DPP10: variants seen among roughly 807,000 people sequenced by gnomAD.
DPP10 encodes inactive dipeptidyl peptidase 10.
A neutral mutation model predicts 120.9 loss-of-function variants in DPP10; 33 were observed. That is an observed-to-expected ratio of 0.27 (90% CI 0.21 to 0.37). The LOEUF is 0.37. DPP10 is among the 10% of genes least tolerant of loss of function. The probability of loss-of-function intolerance (pLI) is 1.00; values close to 1 mark genes in which losing one functional copy is unlikely to be tolerated. For missense variants in DPP10, 816 were observed against 942.8 expected (o/e 0.87, Z 1.76); for synonymous variants, 337 against 326.1 (o/e 1.03, Z -0.36).
intron 1 of DPP10, among the ~76,000 whole-genome samples, chr2:114,708,745 GTTTTTGT>G (rs932671735): frequency 6.6e-5 from 10 of 151,998 alleles, no homozygotes; most frequent in Admixed American, 4.6e-4. Context: ...ACTTTTGTTT[GTTTTTGT>G]TTTTTGTTTT....
At chr2:115,665,733 C>T (rs2089400979) in intron 5 of DPP10, among the ~76,000 whole-genome samples, 1 of 151,906 alleles carries the variant, frequency 6.6e-6, no homozygotes, top group African/African-American at 2.4e-5. Context: ...TTTCCTAATA[C>T]TTCTTCTCTT....
intron 4 of DPP10, among the ~76,000 whole-genome samples, chr2:115,501,853 C>A (rs996151726): frequency 6.6e-6 from 1 of 152,012 alleles, no homozygotes; most frequent in African/African-American, 2.4e-5. Flanking sequence ...GATTTAATTT[C>A]TCTTCCAGGA....
chr2:114,675,711 G>GA (rs1398983065), intron 1 of DPP10, among the ~76,000 whole-genome samples: 1 of 152,068 alleles, frequency 6.6e-6, no homozygotes, highest in Non-Finnish European at 1.5e-5. Context: ...CAGAACTTCT[G>GA]AAAGAGAGTC....
chr2:115,237,627 T>G (rs1342900616), intron 1 of DPP10, among the ~76,000 whole-genome samples: 1 of 152,314 alleles, frequency 6.6e-6, no homozygotes, highest in East Asian at 1.9e-4. Flanking sequence ...TTATCCAAGT[T>G]GTGAATGCAA....
chr2:115,170,342 A>C (rs1012005286), intron 1 of DPP10, among the ~76,000 whole-genome samples: 3 of 152,212 alleles, frequency 2.0e-5, no homozygotes, highest in Admixed American at 2.0e-4. Flanking sequence ...ATTTGCATTG[A>C]TAATTCTTCT....
intron 1 of DPP10, among the ~76,000 whole-genome samples, chr2:114,585,338 T>G (rs112209872): frequency 1.3e-3 from 198 of 152,314 alleles, no homozygotes; most frequent in Non-Finnish European, 2.4e-3. Flanking sequence ...TCCCTCTCGT[T>G]GACTCTCTCA....
intron 1 of DPP10, among the ~76,000 whole-genome samples, chr2:114,664,300 C>A (rs368778296): frequency 1.3e-5 from 2 of 151,508 alleles, no homozygotes; most frequent in Non-Finnish European, 2.9e-5. Context: ...GAGTCATAAC[C>A]CTTGGAGAGA....
chr2:114,788,471 A>G (rs1038738243), intron 1 of DPP10, among the ~76,000 whole-genome samples: 1 of 149,740 alleles, frequency 6.7e-6, no homozygotes, highest in African/African-American at 2.5e-5. Context: ...GCTGGAGTGC[A>G]GTGGCACAAT....
intron 1 of DPP10, among the ~76,000 whole-genome samples, chr2:114,449,494 A>T (rs1307730464): frequency 6.0e-5 from 9 of 148,802 alleles, no homozygotes; most frequent in African/African-American, 2.2e-4. Context: ...TATAGTTACC[A>T]CTGGGAAGAA....
intron 1 of DPP10, among the ~76,000 whole-genome samples, chr2:115,068,424 G>T (rs538876562): frequency 6.6e-6 from 1 of 150,794 alleles, no homozygotes; most frequent in South Asian, 2.1e-4. Flanking sequence ...TAGGTTATTT[G>T]TTTTTGCTGT....
chr2:115,171,257 A>G (rs2105059726), intron 1 of DPP10, among the ~76,000 whole-genome samples: 1 of 151,258 alleles, frequency 6.6e-6, no homozygotes, highest in African/African-American at 2.4e-5. Context: ...GCGACTCAGG[A>G]GGCTGAGGCT....
At chr2:115,835,084 C>T (rs992230935) in intron 21 of DPP10, among the ~76,000 whole-genome samples, 2 of 151,258 alleles carry the variant, frequency 1.3e-5, no homozygotes, top group South Asian at 2.1e-4. Flanking sequence ...TGAAGTGAGC[C>T]GAGATCGCAC....
At chr2:114,597,997 T>G (rs2105207379) in intron 1 of DPP10, among the ~76,000 whole-genome samples, 1 of 151,998 alleles carries the variant, frequency 6.6e-6, no homozygotes, top group African/African-American at 2.4e-5. Context: ...AAGAGAAGTT[T>G]TAAGGGAGAC....
intron 1 of DPP10, among the ~76,000 whole-genome samples, chr2:114,873,387 A>G (rs1460762145): frequency 6.6e-6 from 1 of 152,206 alleles, no homozygotes; most frequent in Non-Finnish European, 1.5e-5. Context: ...TGTTGACAAC[A>G]GGTAACAATG....
At chr2:115,478,444 T>C (rs1356422920) in intron 3 of DPP10, among the ~76,000 whole-genome samples, 1 of 152,138 alleles carries the variant, frequency 6.6e-6, no homozygotes, top group Non-Finnish European at 1.5e-5. Flanking sequence ...AACCTAAAAC[T>C]ATAAAACATT....
At chr2:114,532,544 G>A (rs967597011) in intron 1 of DPP10, among the ~76,000 whole-genome samples, 1 of 151,716 alleles carries the variant, frequency 6.6e-6, no homozygotes, top group Non-Finnish European at 1.5e-5. Flanking sequence ...CTGTATGTCT[G>A]TCCTCGATTA....
At chr2:115,381,395 C>T (rs909743153) in intron 3 of DPP10, among the ~76,000 whole-genome samples, 6 of 152,200 alleles carry the variant, frequency 3.9e-5, no homozygotes, top group Non-Finnish European at 8.8e-5. Flanking sequence ...CCTTGGTTTT[C>T]AGCTCCATCA....
intron 7 of DPP10, among the ~76,000 whole-genome samples, chr2:115,701,305 A>G (rs913056937): frequency 1.3e-5 from 2 of 152,102 alleles, no homozygotes; most frequent in South Asian, 2.1e-4. Flanking sequence ...CGCATTTATG[A>G]TCAAATGAAG....
At chr2:115,742,562 A>G (rs564668965) in intron 9 of DPP10, among the ~76,000 whole-genome samples, 1 of 152,280 alleles carries the variant, frequency 6.6e-6, no homozygotes, top group African/African-American at 2.4e-5. Flanking sequence ...CTACCCAGGT[A>G]CTTAAGACAA....
Sources: gnomAD v4.1 joint callset for allele counts (sites outside exome capture counted in the v4.1 genomes callset) on GRCh38, gnomAD v4.1.1 for gene constraint, MANE v1.5 for transcripts, NCBI Gene and HGNC (gene_info 2026-07-23, HGNC 2026-07-21) for gene names.